The following SUSD5 variants were observed in gnomAD, a reference collection of about 807,000 sequenced individuals.
SUSD5 encodes the protein sushi domain-containing protein 5.
SUSD5 carries 33 observed loss-of-function variants against 29.5 expected under a neutral mutation model. The ratio of observed to expected loss-of-function variants is 1.12; its 90% CI spans 0.85 to 1.49. SUSD5 has a LOEUF of 1.49. Among genes scored for constraint, SUSD5 ranks in the 40% most tolerant of loss-of-function variants. The pLI is 0.00. For missense variants in SUSD5, 776 were observed against 800.6 expected, an observed-to-expected ratio of 0.97 and a Z score of 0.37; for synonymous variants, 308 against 325.3, an observed-to-expected ratio of 0.95 and a Z score of 0.57.
Position 33,154,040 on chromosome 3 carries a change from GA to G in SUSD5, c.599-8del. On this transcript the variant is annotated splice_region_variant and splice_polypyrimidine_tract_variant and intron_variant, in intron 4 of 4. Coordinates refer to ENST00000309558, the MANE Select transcript of SUSD5 (RefSeq NM_015551.2). ...ATGTGTGCCTCAGCCTCATCTGGAA[GA>G]AAAGAGGGAAAAAACCTCATTAGCT... 1.3e-6 allele frequency: 2 copies of G among 1,559,154 alleles called. No individual in the cohort carries two copies. Among genetic ancestry groups the G allele is most frequent in the Non-Finnish European group, 8.6e-7 (1 of 1,158,090 alleles).
intron 4 of SUSD5, among the ~76,000 whole-genome samples, chr3:33,169,856 G>A (rs56348148): frequency 0.2 from 30,285 of 151,990 alleles, 3,561 homozygotes; most frequent in East Asian, 0.42. Flanking sequence ...GGGTAGGGGT[G>A]GGCCTTTCTG....
rs145171778 is a variant in SUSD5, at chr3:33,155,418, C to T, written c.599-1385G>A. ...CCAGAATGGCTAAAATTAAACAGACCGACAATATCAAATGTTAACTAGGAT... is the reference window on the plus strand; with the variant it reads ...CCAGAATGGCTAAAATTAAACAGACTGACAATATCAAATGTTAACTAGGAT... On this transcript the variant is annotated intron_variant, in intron 4 of 4. Transcript: ENST00000309558. 2.6e-3 allele frequency among the ~76,000 whole-genome samples: 389 copies of T among 152,136 alleles called. 3 individuals are homozygous for T. The highest frequency in any genetic ancestry group is 8.6e-3 in the African/African-American group (356 of 41,486).
chr3:33,211,527 G>C (rs1431422127), intron 2 of SUSD5, among the ~76,000 whole-genome samples: 1 of 152,186 alleles, frequency 6.6e-6, no homozygotes, highest in Non-Finnish European at 1.5e-5. Flanking sequence ...TCACCAAAAG[G>C]CTTTGGATGT....
chr3:33,174,864 G>C, intron 4 of SUSD5, 22 bp downstream of exon 4: 1 of 1,611,078 alleles, frequency 6.2e-7, no homozygotes, highest in Non-Finnish European at 8.5e-7. Context: ...ACGCGAAGGT[G>C]GCCCATCCCT....
intron 1 of SUSD5, among the ~76,000 whole-genome samples, chr3:33,216,209 A>G (rs907039103): frequency 6.6e-6 from 1 of 152,226 alleles, no homozygotes; most frequent in Non-Finnish European, 1.5e-5. Context: ...ATTACATTGT[A>G]TATGCCACAT....
chr3:33,217,908 T>A (rs531076834), intron 1 of SUSD5, among the ~76,000 whole-genome samples: 1 of 152,318 alleles, frequency 6.6e-6, no homozygotes, highest in South Asian at 2.1e-4. Context: ...CGGGATTTTG[T>A]TCTAATATGA....
chr3:33,152,811 C>T lies in SUSD5; in HGVS notation c.1821G>A (p.Val607=). 6.2e-7 allele frequency: 1 copy of T among 1,613,996 alleles called. No homozygotes were observed. Among genetic ancestry groups the T allele is most frequent in the Non-Finnish European group, 8.5e-7 (1 of 1,179,886 alleles). ...GYRKCQHKSS[V]YKLNVGQRQA... is the part of the protein sequence containing the mutation. ...GCCGCTGGCCAACATTCAGCTTGTA[C>T]ACAGAGCTCTTGTGCTGGCACTTGC... Residue 607 remains valine, a synonymous_variant, in exon 5 of 5, where the codon GTG becomes GTA. Coordinates refer to ENST00000309558, the MANE Select transcript of SUSD5 (RefSeq NM_015551.2).
chr3:33,213,146 G>A (rs1299722452), intron 2 of SUSD5, among the ~76,000 whole-genome samples: 3 of 152,016 alleles, frequency 2.0e-5, no homozygotes, highest in African/African-American at 4.8e-5. Flanking sequence ...GGTGGCTCAC[G>A]CTTGTAATCC....
chr3:33,175,822 G>T (rs1429731418), intron 3 of SUSD5, among the ~76,000 whole-genome samples: 1 of 152,052 alleles, frequency 6.6e-6, no homozygotes, highest in East Asian at 1.9e-4. Flanking sequence ...TGTGAAAACT[G>T]ATGAAACTCC....
chr3:33,184,263 G>A (rs2031736110), intron 3 of SUSD5, among the ~76,000 whole-genome samples: 1 of 151,958 alleles, frequency 6.6e-6, no homozygotes, highest in Non-Finnish European at 1.5e-5. Flanking sequence ...TTTCTTGCAT[G>A]GTTTCAGAGG....
intron 2 of SUSD5, among the ~76,000 whole-genome samples, chr3:33,211,740 A>C (rs1451298424): frequency 2.0e-5 from 3 of 152,212 alleles, no homozygotes; most frequent in Non-Finnish European, 4.4e-5. Flanking sequence ...GCCTTCTCTG[A>C]GCATGACTAA....
chr3:33,209,482 A>T (rs1429655314), intron 2 of SUSD5, among the ~76,000 whole-genome samples: 1 of 150,440 alleles, frequency 6.6e-6, no homozygotes, highest in Non-Finnish European at 1.5e-5. Flanking sequence ...TTTATTCTGG[A>T]TATCTTCCTC....
chr3:33,214,971 GACTAAGACACA>G (rs991365605), intron 1 of SUSD5, among the ~76,000 whole-genome samples: 1 of 151,708 alleles, frequency 6.6e-6, no homozygotes, highest in Admixed American at 6.6e-5. Context: ...TCAGTGATTG[GACTAAGACACA>G]ACTAAGACAC....
rs1242403177 is a variant in SUSD5 at position 33,204,140 on chromosome 3, T to C, written c.409+3668A>G. 6.6e-6 allele frequency among the ~76,000 whole-genome samples: 1 copy of C among 152,054 alleles called. No individual in the cohort carries two copies. Among genetic ancestry groups the C allele is most frequent in the Non-Finnish European group, 1.5e-5 (1 of 68,018 alleles). ...ACAAAGGGGCATCATATCTACAAGT[T>C]ACTCTCCAATGGTTCAAAAAAGAAT... On this transcript the variant is annotated intron_variant, in intron 3 of 4. Coordinates refer to ENST00000309558, the MANE Select transcript of SUSD5 (RefSeq NM_015551.2). This position sits in a 1 kb window ranked among gnomAD's most constrained non-coding sequence, Gnocchi z 4.5.
intron 3 of SUSD5, among the ~76,000 whole-genome samples, chr3:33,192,895 AATCC>A (rs1259734014): frequency 6.6e-6 from 1 of 152,130 alleles, no homozygotes; most frequent in Non-Finnish European, 1.5e-5. Flanking sequence ...ACTATCAAAT[AATCC>A]ATCCATCCTT....
chr3:33,154,133 TA>T, intron 4 of SUSD5, 100 bp from the exon 5 acceptor site: 1 of 935,266 alleles, frequency 1.1e-6, no homozygotes. Flanking sequence ...TGGGACAGAA[TA>T]AATAATACTG....
In SUSD5 at chr3:33,175,003, C is replaced by G. The variant is rs1427934103; in HGVS notation, c.481G>C (p.Asp161His). Reference sequence around the variant, plus strand: ...GGGGCACACACGTACAGCAGTTCATCCCCCATTTCCAAGCCGGTGCGGCCC... The same window carrying G: ...GGGGCACACACGTACAGCAGTTCATGCCCCATTTCCAAGCCGGTGCGGCCC... Reference protein sequence around the residue: ...LQGRTGLEMGDELLYVCAPGH... With the variant: ...LQGRTGLEMGHELLYVCAPGH... The change falls in exon 4 of 5, where the codon GAT becomes CAT. Residue 161 changes from aspartate (D) to histidine (H), a missense_variant. Asp to His is a moderately conservative substitution (Grantham distance 81). Coordinates refer to ENST00000309558, the MANE Select transcript of SUSD5 (RefSeq NM_015551.2). The G allele has an allele frequency of 6.2e-7, 1 of 1,614,042 alleles. No homozygotes were observed. Among genetic ancestry groups the G allele is most frequent in the East Asian group, 2.2e-5 (1 of 44,886 alleles).
intron 4 of SUSD5, among the ~76,000 whole-genome samples, chr3:33,155,096 T>G (rs1159075827): frequency 6.6e-6 from 1 of 152,230 alleles, no homozygotes; most frequent in Non-Finnish European, 1.5e-5. Flanking sequence ...TACATTAAAA[T>G]GAAGATCCTC....
At chr3:33,159,095 T>G (rs1005130475) in intron 4 of SUSD5, among the ~76,000 whole-genome samples, 4 of 152,198 alleles carry the variant, frequency 2.6e-5, no homozygotes, top group Non-Finnish European at 5.9e-5. Flanking sequence ...TGTGCTGAAC[T>G]CAGTCAGCAT....
Sources: allele counts gnomAD v4.1 joint callset (sites outside exome capture counted in the v4.1 genomes callset), GRCh38; gene constraint gnomAD v4.1.1; non-coding constraint Gnocchi (gnomAD v3.1); transcripts MANE v1.5; gene names NCBI Gene and HGNC (gene_info 2026-07-23, HGNC 2026-07-21).